TAMM41: variants seen among roughly 807,000 people sequenced by gnomAD.
TAMM41 encodes TAM41 mitochondrial translocator assembly and maintenance homolog.
In TAMM41, 36 loss-of-function variants were observed where a neutral mutation model predicts 44.1. The ratio of observed to expected loss-of-function variants is 0.82; its 90% CI spans 0.63 to 1.08. TAMM41 has a LOEUF of 1.08. Among genes scored for constraint, TAMM41 ranks in the 50% least tolerant of loss-of-function variants. TAMM41 has a pLI of 0.00. For missense variants in TAMM41, 417 were observed against 404.3 expected, an observed-to-expected ratio of 1.03 and a Z score of -0.27; for synonymous variants, 164 against 153.1, an observed-to-expected ratio of 1.07 and a Z score of -0.53.
At chr3:11,783,397 C>G in the TAMM41 span, among the ~76,000 whole-genome samples, 1 of 152,172 alleles carries the variant, frequency 6.6e-6, no homozygotes, top group Non-Finnish European at 1.5e-5. Flanking sequence ...GACTAGCCAC[C>G]TTTGGTCACC....
intron 5 of TAMM41, chr3:11,811,624 A>C (rs1307926671): frequency 6.6e-6 from 1 of 152,240 alleles, no homozygotes; most frequent in Admixed American, 6.5e-5. Context: ...CTAAACTGTG[A>C]AAGTCAAATT....
At chr3:11,826,376 G>A (rs2078749843) in intron 4 of TAMM41, among the ~76,000 whole-genome samples, 1 of 151,712 alleles carries the variant, frequency 6.6e-6, no homozygotes, top group Admixed American at 6.6e-5. Flanking sequence ...CTACACAAAC[G>A]AAATTAGCCA....
At chr3:11,755,306 C>CACTG in the TAMM41 span, among the ~76,000 whole-genome samples, 1 of 150,444 alleles carries the variant, frequency 6.6e-6, no homozygotes, top group African/African-American at 2.5e-5. Context: ...GCCCCGCAGG[C>CACTG]ACTGGCATGG....
intron 4 of TAMM41, among the ~76,000 whole-genome samples, chr3:11,819,157 T>C (rs972288715): frequency 6.6e-6 from 1 of 152,176 alleles, no homozygotes; most frequent in African/African-American, 2.4e-5. Flanking sequence ...CTAAAATTCT[T>C]CTGGAAAGCA....
chr3:11,738,875 T>C, the TAMM41 span, among the ~76,000 whole-genome samples: 1 of 152,218 alleles, frequency 6.6e-6, no homozygotes, highest in Non-Finnish European at 1.5e-5. Flanking sequence ...CGCTTGACCC[T>C]GATGCAGGCT....
At chr3:11,756,726 G>T in the TAMM41 span, among the ~76,000 whole-genome samples, 6 of 152,126 alleles carry the variant, frequency 3.9e-5, no homozygotes, top group Non-Finnish European at 7.4e-5. Context: ...TTAGCTGGGC[G>T]TGGTGGCACA....
chr3:11,803,279 G>A (rs977058960), intron 7 of TAMM41, among the ~76,000 whole-genome samples: 2 of 152,162 alleles, frequency 1.3e-5, no homozygotes, highest in Admixed American at 1.3e-4. Context: ...AGCTACTCAG[G>A]AGGCTGAAGG....
chr3:11,793,059 C>CAAAAAAAAA (rs61264653), intron 7 of TAMM41, among the ~76,000 whole-genome samples: 20 of 65,120 alleles, frequency 3.1e-4, no homozygotes, highest in African/African-American at 9.4e-4. Flanking sequence ...GGCCCCATCT[C>CAAAAAAAAA]AAAAAAAAAA....
the TAMM41 span, among the ~76,000 whole-genome samples, chr3:11,742,270 C>T: frequency 6.7e-6 from 1 of 150,126 alleles, no homozygotes; most frequent in Non-Finnish European, 1.5e-5. Flanking sequence ...AGACCCCTGA[C>T]GACCACCAAT....
chr3:11,735,044 G>A, the TAMM41 span, among the ~76,000 whole-genome samples: 3 of 139,434 alleles, frequency 2.2e-5, no homozygotes, highest in Non-Finnish European at 4.6e-5. Context: ...GCGAGACTCT[G>A]TCTCAAAAAA....
At chr3:11,742,625 C>T in the TAMM41 span, among the ~76,000 whole-genome samples, 1,507 of 148,388 alleles carry the variant, frequency 0.01, 139 homozygotes, top group African/African-American at 0.037. Flanking sequence ...GGGTCTTGCC[C>T]TGTTATGCTG....
chr3:11,748,236 A>G, the TAMM41 span, among the ~76,000 whole-genome samples: 1 of 122,170 alleles, frequency 8.2e-6, no homozygotes. Context: ...AGTAATTCAC[A>G]TGTCTCATAT....
intron 1 of TAMM41, among the ~76,000 whole-genome samples, chr3:11,844,678 T>C (rs538765774): frequency 6.6e-6 from 1 of 152,178 alleles, no homozygotes; most frequent in African/African-American, 2.4e-5. Context: ...TTCTTCTGGA[T>C]CAAATTAGCA....
At chr3:11,807,547 T>C (rs1036836180) in intron 7 of TAMM41, 1 of 1,535,880 alleles carries the variant, frequency 6.5e-7, no homozygotes, top group African/African-American at 1.4e-5. Flanking sequence ...GTAACTTTGA[T>C]AAATAAAACA....
chr3:11,792,042 C>T (rs748645537), intron 7 of TAMM41, among the ~76,000 whole-genome samples: 45 of 152,280 alleles, frequency 3.0e-4, no homozygotes, highest in Non-Finnish European at 3.1e-4. Context: ...ATAGCAACCC[C>T]AGGGCACTGA....
the TAMM41 span, among the ~76,000 whole-genome samples, chr3:11,726,141 C>T: frequency 6.6e-6 from 1 of 152,240 alleles, no homozygotes; most frequent in Admixed American, 6.5e-5. Flanking sequence ...ATTGCACTAA[C>T]CTGGCTGTGG....
intron 3 of TAMM41, among the ~76,000 whole-genome samples, chr3:11,836,388 T>C (rs974076989): frequency 6.6e-6 from 1 of 152,238 alleles, no homozygotes; most frequent in Non-Finnish European, 1.5e-5. Flanking sequence ...TAACAGCTAA[T>C]AGGTGGCAGG....
In TAMM41 at chr3:11,839,314, G is replaced by A. The variant is rs1450934906; in HGVS notation, c.319C>T (p.Leu107Phe). ...YNSLIMCNGR[L>F]IKYGVISTNV... ...GTGCTAATAACTCCATATTTGATAA[G>A]CTGAAGGAAAAAAGAAATGGCACAA... Residue 107 changes from leucine to phenylalanine, a missense_variant and splice_region_variant, in exon 3 of 8, where the codon CTT becomes TTT. Coordinates refer to ENST00000455809, the MANE Select transcript of TAMM41 (RefSeq NM_001284401.2). 3.7e-6 allele frequency: 6 copies of A among 1,600,486 alleles called. No homozygotes were observed. The highest frequency in any genetic ancestry group is 5.1e-6 in the Non-Finnish European group (6 of 1,170,178).
chr3:11,809,800 C>T lies in TAMM41; in HGVS notation c.709-118G>A, dbSNP rs951585874. On this transcript the variant is annotated intron_variant, in intron 5 of 7. Transcript: ENST00000455809. ...AACATATATGCACCCACACCCCTGG[C>T]GAGGCAGCAAGCTAAGGAAACTCTC... The T allele has an allele frequency of 2.1e-5, 21 of 996,684 alleles. No individual in the cohort carries two copies. In the East Asian group the frequency reaches 2.7e-4, roughly 13 times the overall value. The allele number at this position is 996,684 out of a possible 1,614,324, so 61.7% of individuals were successfully genotyped here.
Sources: allele counts gnomAD v4.1 joint callset (sites outside exome capture counted in the v4.1 genomes callset), GRCh38; gene constraint gnomAD v4.1.1; transcripts MANE v1.5; gene names NCBI Gene and HGNC (gene_info 2026-07-23, HGNC 2026-07-21).